The following UGT1A1 variants were observed in gnomAD, a reference collection of about 807,000 sequenced individuals.
UGT1A1 encodes UDP glucuronosyltransferase family 1 member A1.
In UGT1A1, 33 loss-of-function variants were observed where a neutral mutation model predicts 40.6. The ratio of observed to expected loss-of-function variants is 0.81; its 90% CI spans 0.62 to 1.09. The LOEUF is 1.09. Among genes scored for constraint, UGT1A1 ranks in the 50% least tolerant of loss-of-function variants. UGT1A1 has a pLI of 0.00. For missense variants in UGT1A1, 694 were observed against 671.2 expected (o/e 1.03, Z -0.38); for synonymous variants, 249 against 265.0 (o/e 0.94, Z 0.59).
chr2:233,761,169 A>C lies in UGT1A1; in HGVS notation c.864+18A>C. The C allele has an allele frequency of 6.2e-7, 1 of 1,614,188 alleles. No individual in the cohort carries two copies. Among genetic ancestry groups the C allele is most frequent in the Non-Finnish European group, 8.5e-7 (1 of 1,180,044 alleles). ...TATCCCAGGTGTGTATTGGAGTGGG[A>C]CTTTTACATGCGTATATTCTTTCAG... On this transcript the variant is annotated intron_variant, in intron 1 of 4. Coordinates refer to ENST00000305208, the MANE Select transcript of UGT1A1 (RefSeq NM_000463.3).
At chr2:233,768,980 T>A (rs1699769339) in intron 4 of UGT1A1, among the ~76,000 whole-genome samples, 1 of 152,212 alleles carries the variant, frequency 6.6e-6, no homozygotes, top group Non-Finnish European at 1.5e-5. Flanking sequence ...TTTAGAATTT[T>A]ATTTCCCCCA....
In UGT1A1 at chr2:233,761,102, T is replaced by A; in HGVS notation, c.815T>A (p.Met272Lys). 6.2e-7 allele frequency: 1 copy of A among 1,614,234 alleles called. No homozygotes were observed. Among genetic ancestry groups the A allele is most frequent in the Non-Finnish European group, 8.5e-7 (1 of 1,180,056 alleles). The change falls in exon 1 of 5, where the codon ATG becomes AAG. Residue 272 changes from methionine (M) to lysine (K), a missense_variant. Coordinates refer to ENST00000305208, the MANE Select transcript of UGT1A1 (RefSeq NM_000463.3). ...KDYPRPIMPN[M>K]VFVGGINCLH... ...TACCCTAGGCCCATCATGCCCAATA[T>A]GGTTTTTGTTGGTGGAATCAACTGC...
At chr2:233,764,935 G>T (rs1212843122) in intron 1 of UGT1A1, among the ~76,000 whole-genome samples, 1 of 152,204 alleles carries the variant, frequency 6.6e-6, no homozygotes, top group Non-Finnish European at 1.5e-5. Context: ...GGGCTGGTGA[G>T]AGTGGCGGGG....
At position 233,772,459 on chromosome 2, in the gene UGT1A1, C is replaced by G. The variant is rs1268705566; in HGVS notation, c.1502C>G (p.Thr501Arg). The change falls in exon 5 of 5, where the codon ACA becomes AGA. Residue 501 changes from threonine to arginine, a missense_variant. Coordinates refer to ENST00000305208, the MANE Select transcript of UGT1A1 (RefSeq NM_000463.3). ...VIGFLLAVVL[T>R]VAFITFKCCA... is the part of the protein sequence containing the mutation. Reference sequence around the variant, plus strand: ...GGTTTCCTCTTGGCCGTCGTGCTGACAGTGGCCTTCATCACCTTTAAATGT... The same window carrying G: ...GGTTTCCTCTTGGCCGTCGTGCTGAGAGTGGCCTTCATCACCTTTAAATGT... 5 of 1,614,074 alleles carry G rather than the reference C, an allele frequency of 3.1e-6. No individual in the cohort carries two copies. In the Admixed American group the frequency reaches 8.3e-5, roughly 27 times the overall value.
Position 233,760,507 on chromosome 2 carries a change from T to C in UGT1A1, c.220T>C (p.Tyr74His), listed in dbSNP as rs1199756469. ...GTTGTACATCAGAGACGGAGCATTT[T>C]ACACCTTGAAGACGTACCCTGTGCC... ...ASLYIRDGAFYTLKTYPVPFQ... is the reference protein window; with the variant it reads ...ASLYIRDGAFHTLKTYPVPFQ... The change falls in exon 1 of 5, where the codon TAC becomes CAC. Residue 74 changes from tyrosine (Y) to histidine (H), a missense_variant. Coordinates refer to ENST00000305208, the MANE Select transcript of UGT1A1 (RefSeq NM_000463.3). The C allele has an allele frequency of 1.2e-6, 2 of 1,614,154 alleles. No homozygotes were observed. Among genetic ancestry groups the C allele is most frequent in the South Asian group, 1.1e-5 (1 of 91,088 alleles).
intron 4 of UGT1A1, 116 bp from the exon 5 acceptor site, chr2:233,772,146 G>A: frequency 6.4e-7 from 1 of 1,552,532 alleles, no homozygotes; most frequent in Non-Finnish European, 8.7e-7. Flanking sequence ...ATAGAAACAG[G>A]TTTCCTTTCC....
Position 233,772,467 on chromosome 2 carries a change from T to C in UGT1A1, c.1510T>C (p.Phe504Leu), listed in dbSNP as rs761746377. Residue 504 changes from phenylalanine to leucine, a missense_variant, in exon 5 of 5, where the codon TTC becomes CTC. Transcript: ENST00000305208. ...FLLAVVLTVA[F>L]ITFKCCAYGY... is the part of the protein sequence containing the mutation. ...CTTGGCCGTCGTGCTGACAGTGGCC[T>C]TCATCACCTTTAAATGTTGTGCTTA... is the stretch of plus-strand genomic sequence containing the variant. 2 of 1,614,038 alleles carry C rather than the reference T, an allele frequency of 1.2e-6. No individual in the cohort carries two copies. The highest frequency in any genetic ancestry group is 1.3e-5 in the African/African-American group (1 of 74,916).
intron 4 of UGT1A1, 40 bp downstream of exon 4, chr2:233,768,479 T>C: frequency 6.3e-7 from 1 of 1,593,226 alleles, no homozygotes; most frequent in Non-Finnish European, 8.6e-7. Context: ...GGTCATGGCA[T>C]TCATGATAAA....
In UGT1A1 at chr2:233,768,069, G is replaced by T. The variant is rs191770279; in HGVS notation, c.1084+133G>T. ...CATATCCTACATTGCTTTTTATCTAGTGGGGTATCTCAACCCACATTTTCT... is the reference window on the plus strand; with the variant it reads ...CATATCCTACATTGCTTTTTATCTATTGGGGTATCTCAACCCACATTTTCT... On this transcript the variant is annotated intron_variant, in intron 3 of 4. Transcript: ENST00000305208. The T allele has an allele frequency of 3.1e-6, 5 of 1,596,368 alleles. No homozygotes were observed. In the East Asian group the frequency reaches 1.1e-4, roughly 36 times the overall value.
intron 2 of UGT1A1, among the ~76,000 whole-genome samples, chr2:233,767,541 T>C (rs1036019963): frequency 7.9e-4 from 120 of 152,396 alleles, no homozygotes; most frequent in African/African-American, 2.8e-3. Context: ...ATTTCTGCTC[T>C]TATAGTTCTG....
chr2:233,762,916 A>T (rs1698195607), intron 1 of UGT1A1, among the ~76,000 whole-genome samples: 1 of 152,252 alleles, frequency 6.6e-6, no homozygotes, highest in African/African-American at 2.4e-5. Context: ...TATTGAATTT[A>T]TTAGAATCTC....
rs909741702 is a variant in UGT1A1, at chr2:233,769,798, T to C, written c.1304+1359T>C. On this transcript the variant is annotated intron_variant, in intron 4 of 4. Coordinates refer to ENST00000305208, the MANE Select transcript of UGT1A1 (RefSeq NM_000463.3). This position sits in a 1 kb window ranked among gnomAD's most constrained non-coding sequence, Gnocchi z 4.4. ...TGAGCCCAGAAGTTGGAGGCTGCTA[T>C]GAGCCGTGATCATGCCACTGCACTC... The C allele has an allele frequency of 8.3e-7, 1 of 1,206,032 alleles. No homozygotes were observed. The highest frequency in any genetic ancestry group is 1.6e-5 in the African/African-American group (1 of 64,426). 74.7% of individuals were successfully genotyped at this position (1,206,032 alleles called of 1,614,324 possible). A position where few individuals can be genotyped will look rare whatever the true frequency, so the allele number is the denominator to read the frequency against.
intron 2 of UGT1A1, 150 bp from the exon 3 acceptor site, chr2:233,767,699 A>G: frequency 1.3e-6 from 2 of 1,502,404 alleles, no homozygotes; most frequent in Non-Finnish European, 1.8e-6. Context: ...GGAAGTTGCC[A>G]GTCCTCAGAA....
chr2:233,773,203 A>T lies in UGT1A1; in HGVS notation c.*644A>T, dbSNP rs1464666615. On this transcript the variant is annotated 3_prime_UTR_variant, in exon 5 of 5. Coordinates refer to ENST00000305208, the MANE Select transcript of UGT1A1 (RefSeq NM_000463.3). ...TATGTCAAATGGAGCTGAATTTGAT[A>T]AAAACCCAAAATACAGCTATGAAGT... The T allele has an allele frequency of 6.6e-6, 1 of 152,516 alleles. No homozygotes were observed. The highest frequency in any genetic ancestry group is 2.4e-5 in the African/African-American group (1 of 41,468). 9.4% of individuals were successfully genotyped at this position (152,516 alleles called of 1,614,324 possible). A position where few individuals can be genotyped will look rare whatever the true frequency, so the allele number is the denominator to read the frequency against.
At chr2:233,768,057 G>A in intron 3 of UGT1A1, 121 bp downstream of exon 3, 2 of 1,602,426 alleles carry the variant, frequency 1.2e-6, no homozygotes, top group Non-Finnish European at 1.7e-6. Flanking sequence ...ATCCTACATT[G>A]CTTTTTATCT....
intron 3 of UGT1A1, 57 bp from the exon 4 acceptor site, chr2:233,768,163 T>A: frequency 6.2e-7 from 1 of 1,613,480 alleles, no homozygotes; most frequent in Non-Finnish European, 8.5e-7. Flanking sequence ...CCTAGATGTG[T>A]CCAGCTGTGA....
chr2:233,772,112 C>T (rs1700461982), intron 4 of UGT1A1, 150 bp from the exon 5 acceptor site: 2 of 1,527,992 alleles, frequency 1.3e-6, no homozygotes, highest in Non-Finnish European at 1.8e-6. Flanking sequence ...GACTCTGTAT[C>T]TAAAAACAAC....
chr2:233,768,990 A>C (rs1198274565), intron 4 of UGT1A1, among the ~76,000 whole-genome samples: 1 of 152,146 alleles, frequency 6.6e-6, no homozygotes, highest in Admixed American at 6.5e-5. Context: ...TATTTCCCCC[A>C]TTAGATTTAA....
Position 233,767,942 on chromosome 2 carries a change from T to C in UGT1A1, c.1084+6T>C, listed in dbSNP as rs1198417535. The stretch of plus-strand genomic sequence containing the variant: ...ACCCCAAAACGATCTGCTTGGTATG[T>C]TGGGCGGATTGGATGTATAGGTCAA... On this transcript the variant is annotated splice_donor_region_variant and intron_variant, in intron 3 of 4. Transcript: ENST00000305208. The C allele has an allele frequency of 3.7e-6, 6 of 1,614,092 alleles. No individual in the cohort carries two copies. The East Asian group carries it at 1.1e-4, about 30-fold the overall frequency.
Sources: gnomAD v4.1 joint callset for allele counts (sites outside exome capture counted in the v4.1 genomes callset) on GRCh38, gnomAD v4.1.1 for gene constraint, Gnocchi (gnomAD v3.1) non-coding constraint, MANE v1.5 for transcripts, NCBI Gene and HGNC (gene_info 2026-07-23, HGNC 2026-07-21) for gene names.